NECAP1: variants seen among roughly 807,000 people sequenced by gnomAD.
NECAP1 encodes adaptin ear-binding coat-associated protein 1.
NECAP1 carries 13 observed loss-of-function variants against 33.4 expected under a neutral mutation model. The observed-to-expected ratio is 0.39, with a 90% CI of 0.25 to 0.62. The LOEUF (loss-of-function observed/expected upper bound fraction) is 0.62, where lower values mean the gene tolerates loss of function less well. Ranked by LOEUF, NECAP1 falls within the 20% of genes least tolerant of loss-of-function variation. The pLI is 0.52. For synonymous variants in NECAP1, 109 were observed against 125.2 expected (o/e 0.87, Z 0.86); for missense variants, 272 against 347.4 (o/e 0.78, Z 1.73).
intron 1 of NECAP1, among the ~76,000 whole-genome samples, chr12:8,085,695 T>C (rs939642596): frequency 3.0e-5 from 4 of 131,290 alleles, no homozygotes; most frequent in Non-Finnish European, 4.7e-5. Context: ...TCTTTTTTTT[T>C]TTTTTTTTTT....
In NECAP1 at chr12:8,096,180, C is replaced by T; in HGVS notation, c.*90C>T. 1.5e-6 allele frequency: 2 copies of T among 1,320,004 alleles called. No homozygotes were observed. Among genetic ancestry groups the T allele is most frequent in the South Asian group, 1.2e-5 (1 of 80,632 alleles). The allele number at this position is 1,320,004 out of a possible 1,614,324, so 81.8% of individuals were successfully genotyped here. On this transcript the variant is annotated 3_prime_UTR_variant, in exon 8 of 8. Transcript: ENST00000339754. Reference sequence around the variant, plus strand: ...GTGAGGGAAGTTAGGAACCCATTTCCTCCCCAGAACCAGAATGACTGGACA... The same window carrying T: ...GTGAGGGAAGTTAGGAACCCATTTCTTCCCCAGAACCAGAATGACTGGACA...
chr12:8,087,099 G>T (rs2120467196), intron 1 of NECAP1, among the ~76,000 whole-genome samples: 1 of 151,644 alleles, frequency 6.6e-6, no homozygotes, highest in Admixed American at 6.6e-5. Flanking sequence ...AAAGAATAAT[G>T]GACTTTAAAG....
chr12:8,088,926 A>G (rs186342409), intron 1 of NECAP1: 5 of 152,268 alleles, frequency 3.3e-5, no homozygotes, highest in Non-Finnish European at 5.9e-5. Context: ...ATTCTAGCTC[A>G]CATTTCACCT....
chr12:8,083,750 T>C (rs1360501474), intron 1 of NECAP1, among the ~76,000 whole-genome samples: 1 of 105,864 alleles, frequency 9.4e-6, no homozygotes, highest in Non-Finnish European at 2.2e-5. Flanking sequence ...TTTTTTTTTT[T>C]GTTAGAGAGG....
chr12:8,095,065 C>T (rs1947582538), intron 6 of NECAP1, among the ~76,000 whole-genome samples: 1 of 152,120 alleles, frequency 6.6e-6, no homozygotes. Context: ...TGTCAATAGT[C>T]TGTTTCTTTT....
chr12:8,085,332 TA>T (rs1272021883), intron 1 of NECAP1, among the ~76,000 whole-genome samples: 21 of 152,334 alleles, frequency 1.4e-4, no homozygotes, highest in African/African-American at 5.1e-4. Flanking sequence ...TCAAGCTTTT[TA>T]AAACACCTCC....
At chr12:8,094,154 A>G (rs1392121648) in intron 6 of NECAP1, among the ~76,000 whole-genome samples, 1 of 152,174 alleles carries the variant, frequency 6.6e-6, no homozygotes, top group Non-Finnish European at 1.5e-5. Flanking sequence ...TTGAGGTGAA[A>G]ATATTATAGC....
chr12:8,090,241 T>C lies in NECAP1; in HGVS notation c.243T>C (p.Ala81=). The C allele has an allele frequency of 6.2e-7, 1 of 1,614,202 alleles. No individual in the cohort carries two copies. ...CAGTAGAACAATATCCTGGTATTGC[T>C]GTGGAGACGGTGACAGATTCTAGCC... ...QAPVEQYPGI[A]VETVTDSSRY... Residue 81 remains alanine, a synonymous_variant, in exon 3 of 8, where the codon GCT becomes GCC. Coordinates refer to ENST00000339754, the MANE Select transcript of NECAP1 (RefSeq NM_015509.4).
chr12:8,093,081 G>A, intron 6 of NECAP1, 26 bp downstream of exon 6: 1 of 1,601,632 alleles, frequency 6.2e-7, no homozygotes, highest in Non-Finnish European at 8.5e-7. Flanking sequence ...CTAATTTTGA[G>A]AAATCCAATC....
In NECAP1 at chr12:8,082,344, T is replaced by C. The variant is rs780390533; in HGVS notation, c.56T>C (p.Val19Ala). The C allele has an allele frequency of 3.5e-5, 57 of 1,613,638 alleles. No individual in the cohort carries two copies. The highest frequency in any genetic ancestry group is 4.7e-5 in the Non-Finnish European group (56 of 1,179,678). Residue 19 changes from valine to alanine, a missense_variant, in exon 1 of 8, where the codon GTC becomes GCC. Transcript: ENST00000339754. ...SVLCVKPDVS[V>A]YRIPPRASNR... The stretch of plus-strand genomic sequence containing the variant: ...CTGTGTGTGAAGCCAGACGTCAGCG[T>C]CTACCGGATTCCGCCCCGGGCCTCC...
At position 8,096,199 on chromosome 12, in the gene NECAP1, C is replaced by T; in HGVS notation, c.*109C>T. ...CATTTCCTCCCCAGAACCAGAATGA[C>T]TGGACAATCTTTTTCATAGCTTCTC... is the stretch of plus-strand genomic sequence containing the variant. On this transcript the variant is annotated 3_prime_UTR_variant, in exon 8 of 8. Transcript: ENST00000339754. 1 of 1,105,878 alleles carries T rather than the reference C, an allele frequency of 9.0e-7. No homozygotes were observed. Among genetic ancestry groups the T allele is most frequent in the Non-Finnish European group, 1.3e-6 (1 of 761,972 alleles). The allele number at this position is 1,105,878 out of a possible 1,614,324, so 68.5% of individuals were successfully genotyped here. A position where few individuals can be genotyped will look rare whatever the true frequency, so the allele number is the denominator to read the frequency against.
chr12:8,083,075 A>G (rs191403791), intron 1 of NECAP1: 140 of 151,460 alleles, frequency 9.2e-4, no homozygotes, highest in Admixed American at 1.4e-3. Flanking sequence ...TCCCTTCTTA[A>G]CCTCTCCTAC....
Position 8,090,234 on chromosome 12 carries a change from G to T in NECAP1, c.236G>T (p.Gly79Val). Residue 79 changes from glycine (G) to valine (V), a missense_variant, in exon 3 of 8, where the codon GGT becomes GTT. Physicochemically the swap from Gly to Val is moderately radical, Grantham distance 109. Coordinates refer to ENST00000339754, the MANE Select transcript of NECAP1 (RefSeq NM_015509.4). Reference protein sequence around the residue: ...FAQAPVEQYPGIAVETVTDSS... With the variant: ...FAQAPVEQYPVIAVETVTDSS... ...CAGGCACCAGTAGAACAATATCCTG[G>T]TATTGCTGTGGAGACGGTGACAGAT... 1 of 1,614,140 alleles carries T rather than the reference G, an allele frequency of 6.2e-7. No homozygotes were observed. Among genetic ancestry groups the T allele is most frequent in the Non-Finnish European group, 8.5e-7 (1 of 1,180,028 alleles).
intron 4 of NECAP1, 176 bp from the exon 5 acceptor site, chr12:8,092,499 GA>G (rs1947558758): frequency 1.1e-5 from 6 of 565,938 alleles, no homozygotes; most frequent in Non-Finnish European, 1.9e-5. Context: ...GTCCCCAGTG[GA>G]ATTGAACCCC....
In NECAP1 at chr12:8,086,553, G is replaced by C. The variant is rs770888982; in HGVS notation, c.96-3383G>C. On this transcript the variant is annotated intron_variant, in intron 1 of 7. Transcript: ENST00000339754. ...TGTTTGAACCCGGGAGGCGGAGGTT[G>C]CAATGAGCTGAGATCATGCCACTGC... 3.9e-5 allele frequency among the ~76,000 whole-genome samples: 6 copies of C among 152,256 alleles called. No individual in the cohort carries two copies. The South Asian group carries it at 1.2e-3, about 32-fold the overall frequency.
In NECAP1 at chr12:8,097,329, G is replaced by A. The variant is rs749389000; in HGVS notation, c.*1239G>A. 1.3e-5 allele frequency: 2 copies of A among 152,564 alleles called. No homozygotes were observed. The highest frequency in any genetic ancestry group is 2.4e-5 in the African/African-American group (1 of 41,420). 9.5% of individuals were successfully genotyped at this position (152,564 alleles called of 1,614,324 possible). ...GGTACTTTCTATTTTGTTTCTAAAC[G>A]AGCAATTTTGAGGATGAAATGGGAA... On this transcript the variant is annotated 3_prime_UTR_variant, in exon 8 of 8. Coordinates refer to ENST00000339754, the MANE Select transcript of NECAP1 (RefSeq NM_015509.4).
intron 1 of NECAP1, among the ~76,000 whole-genome samples, chr12:8,084,579 G>T (rs1268224231): frequency 6.6e-6 from 1 of 151,816 alleles, no homozygotes; most frequent in African/African-American, 2.4e-5. Flanking sequence ...AGTGTGTGTT[G>T]TTCCCCTCCC....
chr12:8,086,765 G>A (rs1947493714), intron 1 of NECAP1, among the ~76,000 whole-genome samples: 1 of 151,408 alleles, frequency 6.6e-6, no homozygotes, highest in African/African-American at 2.5e-5. Context: ...GTGGAACCCC[G>A]TCTTTACTAA....
At chr12:8,085,613 T>G (rs1288477551) in intron 1 of NECAP1, among the ~76,000 whole-genome samples, 2 of 152,098 alleles carry the variant, frequency 1.3e-5, no homozygotes, top group African/African-American at 4.8e-5. Flanking sequence ...TCACCACTTT[T>G]GAATGTTAGT....
Sources: allele counts gnomAD v4.1 joint callset (sites outside exome capture counted in the v4.1 genomes callset), GRCh38; gene constraint gnomAD v4.1.1; transcripts MANE v1.5; gene names NCBI Gene and HGNC (gene_info 2026-07-23, HGNC 2026-07-21).